Variants in CCSER1 observed in about 807,000 individuals in gnomAD.
The protein encoded by CCSER1 is serine-rich coiled-coil domain-containing protein 1.
In CCSER1, 41 loss-of-function variants were observed where a neutral mutation model predicts 82.0. That is an observed-to-expected ratio of 0.50 (90% CI 0.39 to 0.65). The LOEUF (loss-of-function observed/expected upper bound fraction) is 0.65, where lower values mean the gene tolerates loss of function less well. Ranked by LOEUF, CCSER1 falls within the 30% of genes least tolerant of loss-of-function variation. The pLI is 0.00. For synonymous variants in CCSER1, 414 were observed against 383.9 expected (o/e 1.08, Z -0.92); for missense variants, 1,119 against 1,064.2 (o/e 1.05, Z -0.72).
rs75650370 is a variant in CCSER1, at chr4:90,776,879, A to G, written c.2011-38883A>G. Among the ~76,000 whole-genome samples, 390 of 152,230 alleles carry G rather than the reference A, an allele frequency of 2.6e-3. 2 individuals are homozygous for G. The highest frequency in any genetic ancestry group is 9.1e-3 in the African/African-American group (377 of 41,542). ...GCATTTCTCTCTCTTATTGTTTCCT[A>G]TCTCACCATCCCCAGTAATCCTTAG... On this transcript the variant is annotated intron_variant, in intron 7 of 10. Transcript: ENST00000509176.
chr4:91,517,066 CT>C (rs748230393), intron 10 of CCSER1, among the ~76,000 whole-genome samples: 1 of 152,118 alleles, frequency 6.6e-6, no homozygotes, highest in Non-Finnish European at 1.5e-5. Context: ...TGAAACTTTG[CT>C]GAAGTTGTTT....
chr4:91,464,094 C>A (rs1756698920), intron 10 of CCSER1, among the ~76,000 whole-genome samples: 1 of 152,220 alleles, frequency 6.6e-6, no homozygotes, highest in Non-Finnish European at 1.5e-5. Flanking sequence ...ATGTTAAGGG[C>A]AGCCAGTGAG....
chr4:90,325,505 C>T (rs1870795), intron 3 of CCSER1: 126,117 of 187,506 alleles, frequency 0.67, 44,945 homozygotes, highest in African/African-American at 0.92. Flanking sequence ...CTTAATTTTC[C>T]GTGAGAGGAC....
chr4:90,914,335 GAA>G (rs1726935287), intron 8 of CCSER1, among the ~76,000 whole-genome samples: 1 of 152,266 alleles, frequency 6.6e-6, no homozygotes, highest in African/African-American at 2.4e-5. Context: ...TCAGGATTAA[GAA>G]AATCACTCAA....
At chr4:90,145,472 C>A (rs1022633187) in intron 1 of CCSER1, among the ~76,000 whole-genome samples, 1 of 152,104 alleles carries the variant, frequency 6.6e-6, no homozygotes, top group African/African-American at 2.4e-5. Flanking sequence ...TGCTCTGCAT[C>A]CATAGTTGGA....
At chr4:91,325,050 C>A in intron 10 of CCSER1, 1 of 397,002 alleles carries the variant, frequency 2.5e-6, no homozygotes, top group Admixed American at 3.2e-5. Flanking sequence ...GGCCATCGGA[C>A]CTGTGGGGCA....
At chr4:90,859,735 G>T (rs2149978289) in intron 8 of CCSER1, among the ~76,000 whole-genome samples, 1 of 151,618 alleles carries the variant, frequency 6.6e-6, no homozygotes, top group Admixed American at 6.6e-5. Flanking sequence ...TACCAAAGCA[G>T]ATGCTGCTAC....
chr4:90,543,853 G>T (rs113486020), intron 5 of CCSER1, among the ~76,000 whole-genome samples: 1 of 152,074 alleles, frequency 6.6e-6, no homozygotes, highest in Non-Finnish European at 1.5e-5. Context: ...TGAATAATTG[G>T]TCAGATATAG....
intron 3 of CCSER1, among the ~76,000 whole-genome samples, chr4:90,392,784 C>G (rs1751400514): frequency 6.6e-6 from 1 of 151,994 alleles, no homozygotes; most frequent in Non-Finnish European, 1.5e-5. Flanking sequence ...CAATACTTAG[C>G]AAAGAACAAG....
chr4:91,032,750 C>A (rs546685234), intron 9 of CCSER1, among the ~76,000 whole-genome samples: 1 of 152,310 alleles, frequency 6.6e-6, no homozygotes, highest in South Asian at 2.1e-4. Flanking sequence ...CTTTAATATG[C>A]AGCAGAATTG....
In CCSER1 at chr4:91,199,838, T is replaced by A. The variant is rs962757931; in HGVS notation, c.2217+113844T>A. ...ATGTCAGTGATTATAGGTTTTTTTT[T>A]AAAATCTGAACATGAAAAAGTTTTC... On this transcript the variant is annotated intron_variant, in intron 10 of 10. Transcript: ENST00000509176. 4.3e-4 allele frequency among the ~76,000 whole-genome samples: 65 copies of A among 152,034 alleles called. 1 individual carries two copies. The highest frequency in any genetic ancestry group is 4.1e-4 in the South Asian group (2 of 4,834).
chr4:90,272,359 A>G (rs1289964692), intron 1 of CCSER1, among the ~76,000 whole-genome samples: 1 of 152,134 alleles, frequency 6.6e-6, no homozygotes, highest in Non-Finnish European at 1.5e-5. Context: ...GCAAAGATAT[A>G]TCATCTCATG....
intron 10 of CCSER1, among the ~76,000 whole-genome samples, chr4:91,217,019 C>G (rs186493428): frequency 2.0e-5 from 3 of 152,108 alleles, no homozygotes; most frequent in Non-Finnish European, 2.9e-5. Context: ...AGTGTTACAG[C>G]TCTTAAGGTG....
rs560140089 is a variant in CCSER1, at chr4:91,284,359, T to C, written c.2217+198365T>C. 9.9e-5 allele frequency among the ~76,000 whole-genome samples: 15 copies of C among 152,170 alleles called. 1 individual carries two copies. In the South Asian group the frequency reaches 1.7e-3, roughly 17 times the overall value. Reference sequence around the variant, plus strand: ...ACATTGTAACAATGTTGGTTTTTTTTCCCAAAGTCATCACATTTAGAAAAT... The same window carrying C: ...ACATTGTAACAATGTTGGTTTTTTTCCCCAAAGTCATCACATTTAGAAAAT... On this transcript the variant is annotated intron_variant, in intron 10 of 10. Transcript: ENST00000509176.
At chr4:90,478,902 G>C (rs534285325) in intron 5 of CCSER1, among the ~76,000 whole-genome samples, 2 of 151,540 alleles carry the variant, frequency 1.3e-5, no homozygotes, top group African/African-American at 4.8e-5. Flanking sequence ...CACCACACTC[G>C]GCTAATTTTT....
rs541146914 is a variant in CCSER1 at position 90,228,989 on chromosome 4, G to A, written c.-41-79255G>A. On this transcript the variant is annotated intron_variant, in intron 1 of 10. Transcript: ENST00000509176. ...GACTACGTGTAAAGACGAAATCTAC[G>A]TCTGATTGGTGTAACTGAAAGTGAT... Among the ~76,000 whole-genome samples the A allele has an allele frequency of 1.2e-4, 18 of 152,306 alleles. 1 individual carries two copies. The highest frequency in any genetic ancestry group is 3.4e-4 in the African/African-American group (14 of 41,574).
chr4:91,366,124 G>T lies in CCSER1; in HGVS notation c.2218-232448G>T, dbSNP rs112655884. Among the ~76,000 whole-genome samples the T allele has an allele frequency of 6.2e-3, 937 of 152,180 alleles. 14 individuals are homozygous for T. The highest frequency in any genetic ancestry group is 0.021 in the African/African-American group (875 of 41,510). On this transcript the variant is annotated intron_variant, in intron 10 of 10. Coordinates refer to ENST00000509176, the MANE Select transcript of CCSER1 (RefSeq NM_001145065.2). ...ACCTCCGCCTCCCAGGTTCAAGTGA[G>T]TCTCCTGACTCAGCTTCCTGAGTAG...
intron 5 of CCSER1, among the ~76,000 whole-genome samples, chr4:90,534,321 G>A (rs536445881): frequency 9.5e-4 from 144 of 152,222 alleles, no homozygotes; most frequent in African/African-American, 3.4e-3. Flanking sequence ...AGTAGAGACG[G>A]GGTTTCACCA....
chr4:90,385,525 TC>T, intron 3 of CCSER1, among the ~76,000 whole-genome samples: 1 of 150,894 alleles, frequency 6.6e-6, no homozygotes, highest in East Asian at 2.0e-4. Flanking sequence ...AGTGGCGCGA[TC>T]TCTGCTCACT....
Sources: gnomAD v4.1 joint callset for allele counts (sites outside exome capture counted in the v4.1 genomes callset) on GRCh38, gnomAD v4.1.1 for gene constraint, MANE v1.5 for transcripts, NCBI Gene and HGNC (gene_info 2026-07-23, HGNC 2026-07-21) for gene names.